Variants in CSMD1 observed in about 807,000 individuals in gnomAD.
CSMD1 encodes the protein CUB and Sushi multiple domains 1, also known as CUB and sushi domain-containing protein 1.
In CSMD1, 213 loss-of-function variants were observed where a neutral mutation model predicts 417.5. The observed-to-expected ratio is 0.51, with a 90% CI of 0.46 to 0.57. The LOEUF (loss-of-function observed/expected upper bound fraction) is 0.57, where lower values mean the gene tolerates loss of function less well. CSMD1 is among the 20% of genes least tolerant of loss of function. CSMD1 has a pLI of 0.00. For synonymous variants in CSMD1, 2,862 were observed against 1,736.8 expected, an observed-to-expected ratio of 1.65 and a Z score of -16.11; for missense variants, 6,923 against 4,529.7, an observed-to-expected ratio of 1.53 and a Z score of -15.17.
At chr8:4,576,237 G>T (rs557797377) in intron 2 of CSMD1, among the ~76,000 whole-genome samples, 3 of 152,290 alleles carry the variant, frequency 2.0e-5, no homozygotes, top group Non-Finnish European at 4.4e-5. Flanking sequence ...CTGAATTCCA[G>T]GCACCCTTCT....
intron 1 of CSMD1, among the ~76,000 whole-genome samples, chr8:4,954,542 T>A (rs12544185): frequency 0.64 from 96,675 of 151,834 alleles, 32,867 homozygotes; most frequent in Admixed American, 0.78. Context: ...TTTATTTTTT[T>A]AAAAAATATG....
chr8:3,778,562 T>C (rs1222024103), intron 5 of CSMD1, among the ~76,000 whole-genome samples: 1 of 152,186 alleles, frequency 6.6e-6, no homozygotes, highest in Non-Finnish European at 1.5e-5. Flanking sequence ...CTGGGGTTTA[T>C]TTTCTGAGAT....
chr8:3,523,859 G>C (rs532733427), intron 10 of CSMD1, among the ~76,000 whole-genome samples: 1 of 126,614 alleles, frequency 7.9e-6, no homozygotes, highest in South Asian at 2.6e-4. Context: ...GCATGCGCAT[G>C]CACACACTTA....
chr8:3,078,202 T>A (rs1019065149), intron 49 of CSMD1, among the ~76,000 whole-genome samples: 1 of 152,246 alleles, frequency 6.6e-6, no homozygotes, highest in Non-Finnish European at 1.5e-5. Flanking sequence ...CAGTTCCTTG[T>A]GCAGAAAGGT....
chr8:3,861,988 A>G (rs1335296194), intron 5 of CSMD1, among the ~76,000 whole-genome samples: 1 of 152,092 alleles, frequency 6.6e-6, no homozygotes, highest in East Asian at 1.9e-4. Context: ...ATGTGTTTAT[A>G]TCTTGTGGAA....
At chr8:3,529,309 G>T (rs569258445) in intron 10 of CSMD1, among the ~76,000 whole-genome samples, 49 of 152,236 alleles carry the variant, frequency 3.2e-4, no homozygotes, top group African/African-American at 1.2e-3. Context: ...AAAATAAGCA[G>T]CTTTGAAGTT....
At chr8:3,835,643 A>G (rs1802645043) in intron 5 of CSMD1, among the ~76,000 whole-genome samples, 1 of 151,822 alleles carries the variant, frequency 6.6e-6, no homozygotes, top group South Asian at 2.1e-4. Flanking sequence ...GCACACCAAC[A>G]TGGCACATGT....
chr8:3,672,195 A>T (rs996508823), intron 7 of CSMD1, among the ~76,000 whole-genome samples: 1 of 152,168 alleles, frequency 6.6e-6, no homozygotes, highest in Non-Finnish European at 1.5e-5. Context: ...AAGTTTGATG[A>T]AATTGACTGA....
chr8:3,410,046 T>C (rs1190621050), intron 12 of CSMD1, among the ~76,000 whole-genome samples: 1 of 152,248 alleles, frequency 6.6e-6, no homozygotes, highest in Admixed American at 6.5e-5. Context: ...TTGAATATTC[T>C]TTCCCTAAAA....
chr8:4,398,448 C>A (rs1327920585), intron 3 of CSMD1, among the ~76,000 whole-genome samples: 2 of 138,858 alleles, frequency 1.4e-5, no homozygotes, highest in African/African-American at 5.4e-5. Context: ...GGCTGGAGCG[C>A]AGTGGTGCGA....
At chr8:4,033,453 A>T (rs1797461989) in intron 3 of CSMD1, among the ~76,000 whole-genome samples, 1 of 152,014 alleles carries the variant, frequency 6.6e-6, no homozygotes, top group Non-Finnish European at 1.5e-5. Flanking sequence ...AAAAAACAAA[A>T]CAACAACAAT....
intron 7 of CSMD1, among the ~76,000 whole-genome samples, chr8:3,668,335 C>A (rs1177887399): frequency 6.6e-6 from 1 of 152,152 alleles, no homozygotes; most frequent in Non-Finnish European, 1.5e-5. Context: ...ATGTCCCACA[C>A]AGGCCCTGGG....
At chr8:4,898,361 T>A (rs1048261280) in intron 1 of CSMD1, among the ~76,000 whole-genome samples, 1 of 151,502 alleles carries the variant, frequency 6.6e-6, no homozygotes, top group Non-Finnish European at 1.5e-5. Context: ...GCAATTTCTG[T>A]GTCACACCTG....
chr8:4,171,910 T>C (rs542075491), intron 3 of CSMD1, among the ~76,000 whole-genome samples: 50 of 152,316 alleles, frequency 3.3e-4, no homozygotes, highest in African/African-American at 1.2e-3. Context: ...TGTTTTTACA[T>C]AAATTATGTT....
At chr8:3,908,425 C>T (rs956532620) in intron 5 of CSMD1, among the ~76,000 whole-genome samples, 22 of 152,124 alleles carry the variant, frequency 1.4e-4, no homozygotes, top group African/African-American at 4.8e-4. Flanking sequence ...GGAATGTAAG[C>T]ACAAAACTTT....
intron 3 of CSMD1, among the ~76,000 whole-genome samples, chr8:4,380,834 G>C (rs1191906375): frequency 6.6e-6 from 1 of 152,084 alleles, no homozygotes; most frequent in African/African-American, 2.4e-5. Flanking sequence ...GAATGTTTCT[G>C]TGTTTAATAT....
At chr8:4,565,749 CATATATATATAT>C (rs58696547) in intron 2 of CSMD1, among the ~76,000 whole-genome samples, 1,730 of 118,264 alleles carry the variant, frequency 0.015, 23 homozygotes, top group Middle Eastern at 0.043. Context: ...AAAATATATA[CATATATATATAT>C]ATATATATAT....
At chr8:3,751,172 C>G (rs1252459557) in intron 6 of CSMD1, among the ~76,000 whole-genome samples, 1 of 152,014 alleles carries the variant, frequency 6.6e-6, no homozygotes, top group African/African-American at 2.4e-5. Context: ...TTAAAGTCAG[C>G]CTTGAAATGT....
intron 6 of CSMD1, among the ~76,000 whole-genome samples, chr8:3,733,190 C>G (rs1316632425): frequency 1.4e-5 from 2 of 148,030 alleles, no homozygotes; most frequent in Non-Finnish European, 3.0e-5. Flanking sequence ...CACACACACA[C>G]ACACACACAC....
Sources: allele counts gnomAD v4.1 joint callset (sites outside exome capture counted in the v4.1 genomes callset), GRCh38; gene constraint gnomAD v4.1.1; transcripts MANE v1.5; gene names NCBI Gene and HGNC (gene_info 2026-07-23, HGNC 2026-07-21).